Variants in RPS6KB1 observed in about 807,000 individuals in gnomAD.
RPS6KB1 encodes ribosomal protein S6 kinase beta-1.
In RPS6KB1, 12 loss-of-function variants were observed where a neutral mutation model predicts 70.2. The observed-to-expected ratio is 0.17, with a 90% CI of 0.11 to 0.28. The LOEUF (loss-of-function observed/expected upper bound fraction) is 0.28, where lower values mean the gene tolerates loss of function less well. Ranked by LOEUF, RPS6KB1 falls within the 10% of genes least tolerant of loss-of-function variation. The probability of loss-of-function intolerance (pLI) is 1.00; values close to 1 mark genes in which losing one functional copy is unlikely to be tolerated. For synonymous variants in RPS6KB1, 175 were observed against 211.2 expected, an observed-to-expected ratio of 0.83 and a Z score of 1.49; for missense variants, 270 against 646.6, an observed-to-expected ratio of 0.42 and a Z score of 6.32.
chr17:59,925,957 T>G (rs2043580762), intron 4 of RPS6KB1, among the ~76,000 whole-genome samples: 2 of 152,108 alleles, frequency 1.3e-5, no homozygotes, highest in South Asian at 2.1e-4. Context: ...ACATTTCATT[T>G]TAATAACTTT....
chr17:59,924,953 CA>C (rs2043515506), intron 4 of RPS6KB1, among the ~76,000 whole-genome samples: 2 of 151,978 alleles, frequency 1.3e-5, no homozygotes, highest in Admixed American at 1.3e-4. Flanking sequence ...CTCAGCCTCC[CA>C]AGTAGCTTGG....
At chr17:59,908,129 G>A (rs2042376366) in intron 1 of RPS6KB1, among the ~76,000 whole-genome samples, 2 of 151,830 alleles carry the variant, frequency 1.3e-5, no homozygotes, top group South Asian at 2.1e-4. Flanking sequence ...AGCACTGTGT[G>A]TAAATCATTT....
At chr17:59,923,985 T>A (rs2043434941) in intron 4 of RPS6KB1, among the ~76,000 whole-genome samples, 1 of 152,208 alleles carries the variant, frequency 6.6e-6, no homozygotes, top group Non-Finnish European at 1.5e-5. Context: ...TTCTTTGCAA[T>A]TTTTTGTGTG....
intron 12 of RPS6KB1, 100 bp from the exon 13 acceptor site, chr17:59,940,736 T>C (rs1293976993): frequency 4.7e-6 from 3 of 632,092 alleles, no homozygotes; most frequent in Non-Finnish European, 8.0e-6. Context: ...TACTTTATTA[T>C]AGTTAACCCC....
chr17:59,900,344 T>C (rs1688924853), intron 1 of RPS6KB1, among the ~76,000 whole-genome samples: 2 of 152,088 alleles, frequency 1.3e-5, no homozygotes. Context: ...CTTAAAGACT[T>C]GTAATGTTTT....
Position 59,914,720 on chromosome 17 carries a change from C to A in RPS6KB1, c.381+17C>A. 1 of 1,551,758 alleles carries A rather than the reference C, an allele frequency of 6.4e-7. No homozygotes were observed. Among genetic ancestry groups the A allele is most frequent in the Non-Finnish European group, 8.9e-7 (1 of 1,125,360 alleles). On this transcript the variant is annotated intron_variant, in intron 4 of 14. Coordinates refer to ENST00000225577, the MANE Select transcript of RPS6KB1 (RefSeq NM_003161.4). ...CTTAAAAAGGTGATTTCCACTCCCC[C>A]TTTTTAGTCCTCACACACCATATTT...
At position 59,947,692 on chromosome 17, in the gene RPS6KB1, G is replaced by A. The variant is rs1191772902; in HGVS notation, c.*904G>A. On this transcript the variant is annotated 3_prime_UTR_variant, in exon 15 of 15. Coordinates refer to ENST00000225577, the MANE Select transcript of RPS6KB1 (RefSeq NM_003161.4). ...CTGCATTGCACTGGAAAAAAAAATCGCCACCTGTTCTTACACCAGTATTTG... is the reference window on the plus strand; with the variant it reads ...CTGCATTGCACTGGAAAAAAAAATCACCACCTGTTCTTACACCAGTATTTG... The A allele has an allele frequency of 7.6e-5, 58 of 766,484 alleles. No individual in the cohort carries two copies. The Admixed American group carries it at 1.1e-3, about 14-fold the overall frequency. The allele number at this position is 766,484 out of a possible 1,614,324, so 47.5% of individuals were successfully genotyped here. A position where few individuals can be genotyped will look rare whatever the true frequency, so the allele number is the denominator to read the frequency against.
chr17:59,917,307 G>T (rs1337762647), intron 4 of RPS6KB1, among the ~76,000 whole-genome samples: 3 of 151,938 alleles, frequency 2.0e-5, no homozygotes, highest in Non-Finnish European at 4.4e-5. Flanking sequence ...GTAGAGATGG[G>T]CACTCACCAT....
chr17:59,940,529 G>A (rs894980722), intron 12 of RPS6KB1, among the ~76,000 whole-genome samples: 2 of 151,648 alleles, frequency 1.3e-5, no homozygotes, highest in African/African-American at 4.8e-5. Flanking sequence ...CTCATGATCC[G>A]CCTGCCTCAG....
intron 14 of RPS6KB1, among the ~76,000 whole-genome samples, chr17:59,945,939 A>G (rs1332009361): frequency 6.6e-6 from 1 of 152,240 alleles, no homozygotes; most frequent in African/African-American, 2.4e-5. Flanking sequence ...GCAAAGTGCT[A>G]TAATTTAAAA....
intron 1 of RPS6KB1, among the ~76,000 whole-genome samples, chr17:59,897,090 T>G (rs187665193): frequency 6.6e-6 from 1 of 152,206 alleles, no homozygotes; most frequent in Non-Finnish European, 1.5e-5. Context: ...GGCCATATGA[T>G]AGCCAAAGAT....
intron 4 of RPS6KB1, among the ~76,000 whole-genome samples, chr17:59,918,277 A>G (rs937977163): frequency 5.3e-5 from 8 of 152,028 alleles, no homozygotes; most frequent in Non-Finnish European, 1.5e-5. Context: ...GTGATTCTCC[A>G]GAATTCTTTC....
chr17:59,893,847 A>G lies in RPS6KB1; in HGVS notation c.141+522A>G, dbSNP rs1266448977. 2.8e-5 allele frequency: 28 copies of G among 985,552 alleles called. No individual in the cohort carries two copies. The highest frequency in any genetic ancestry group is 3.3e-5 in the Non-Finnish European group (27 of 830,110). The allele number at this position is 985,552 out of a possible 1,614,324, so 61.1% of individuals were successfully genotyped here. ...GCTGAAAACTTCTGTCGGGAGTAGCACTGCCGCTGCTGTTACAGCCACCAG... is the reference window on the plus strand; with the variant it reads ...GCTGAAAACTTCTGTCGGGAGTAGCGCTGCCGCTGCTGTTACAGCCACCAG... On this transcript the variant is annotated intron_variant, in intron 1 of 14. Transcript: ENST00000225577. The surrounding 1 kb of genome is among the most constrained non-coding windows in gnomAD (Gnocchi z 4.1).
At chr17:59,899,206 G>GAA (rs1414291151) in intron 1 of RPS6KB1, among the ~76,000 whole-genome samples, 1 of 135,902 alleles carries the variant, frequency 7.4e-6, no homozygotes, top group Non-Finnish European at 1.6e-5. Context: ...CTTCGTCTCA[G>GAA]AAAAAAAAAA....
At chr17:59,932,606 T>C (rs1263374361) in intron 7 of RPS6KB1, among the ~76,000 whole-genome samples, 1 of 149,994 alleles carries the variant, frequency 6.7e-6, no homozygotes, top group Non-Finnish European at 1.5e-5. Context: ...GGCTAGAGTA[T>C]GGTGGCATGA....
Position 59,900,871 on chromosome 17 carries a change from T to G in RPS6KB1, c.141+7546T>G, listed in dbSNP as rs114522361. ...CACCAAAATTAGGTTTTAGAAATTT[T>G]TACCACTCGGCCGGGCGCAGTGGCT... is the stretch of plus-strand genomic sequence containing the variant. On this transcript the variant is annotated intron_variant, in intron 1 of 14. Coordinates refer to ENST00000225577, the MANE Select transcript of RPS6KB1 (RefSeq NM_003161.4). 2.7e-3 allele frequency among the ~76,000 whole-genome samples: 403 copies of G among 151,916 alleles called. 1 individual carries two copies. Among genetic ancestry groups the G allele is most frequent in the African/African-American group, 8.7e-3 (362 of 41,500 alleles).
intron 4 of RPS6KB1, 56 bp from the exon 5 acceptor site, chr17:59,926,374 ATAGAT>A (rs1453331839): frequency 1.6e-6 from 2 of 1,221,324 alleles, no homozygotes; most frequent in African/African-American, 1.5e-5. Context: ...TTAGAATAAA[ATAGAT>A]TATAGAATAA....
intron 12 of RPS6KB1, among the ~76,000 whole-genome samples, chr17:59,937,964 T>C (rs2044335041): frequency 6.6e-6 from 1 of 152,062 alleles, no homozygotes. Context: ...ATGATGATGG[T>C]GATTATTTTT....
chr17:59,925,621 G>A (rs2043560597), intron 4 of RPS6KB1, among the ~76,000 whole-genome samples: 1 of 151,670 alleles, frequency 6.6e-6, no homozygotes, highest in Non-Finnish European at 1.5e-5. Context: ...AGCCAAAGGT[G>A]TGTTCATTTC....
Sources: gnomAD v4.1 joint callset for allele counts (sites outside exome capture counted in the v4.1 genomes callset) on GRCh38, gnomAD v4.1.1 for gene constraint, Gnocchi (gnomAD v3.1) non-coding constraint, MANE v1.5 for transcripts, NCBI Gene and HGNC (gene_info 2026-07-23, HGNC 2026-07-21) for gene names.